The following LCLAT1 variants were observed in gnomAD, a reference collection of about 807,000 sequenced individuals.
The protein encoded by LCLAT1 is 1-AGP acyltransferase 8.
Under a neutral mutation model 30.7 loss-of-function variants are expected in LCLAT1, and 11 were observed. The observed-to-expected ratio is 0.36, with a 90% CI of 0.23 to 0.59. The LOEUF (loss-of-function observed/expected upper bound fraction) is 0.59, where lower values mean the gene tolerates loss of function less well. Ranked by LOEUF, LCLAT1 falls within the 20% of genes least tolerant of loss-of-function variation. The pLI, the probability that LCLAT1 is intolerant of heterozygous loss-of-function variation, is 0.77. For synonymous variants in LCLAT1, 155 were observed against 151.3 expected, an observed-to-expected ratio of 1.02 and a Z score of -0.18; for missense variants, 402 against 458.6, an observed-to-expected ratio of 0.88 and a Z score of 1.13.
intron 5 of LCLAT1, among the ~76,000 whole-genome samples, chr2:30,628,285 G>C (rs144340044): frequency 2.6e-5 from 4 of 152,162 alleles, no homozygotes; most frequent in Non-Finnish European, 5.9e-5. Flanking sequence ...TGAGCAAAAG[G>C]AAAGAAAAAG....
intron 3 of LCLAT1, among the ~76,000 whole-genome samples, chr2:30,536,815 A>C (rs1400713969): frequency 6.6e-6 from 1 of 152,234 alleles, no homozygotes; most frequent in African/African-American, 2.4e-5. Context: ...AGATATACAA[A>C]ATAACTGGAA....
intron 1 of LCLAT1, chr2:30,459,792 T>C (rs1367612881): frequency 9.9e-7 from 1 of 1,010,540 alleles, no homozygotes; most frequent in Non-Finnish European, 1.6e-6. Context: ...ACAAAGCTTT[T>C]TGAATTGATC....
intron 5 of LCLAT1, among the ~76,000 whole-genome samples, chr2:30,602,812 A>T (rs1479503653): frequency 1.3e-5 from 2 of 152,194 alleles, no homozygotes; most frequent in Non-Finnish European, 2.9e-5. Flanking sequence ...ACACTAGCTC[A>T]GTATTAGCTC....
chr2:30,462,364 G>A (rs1682196098), intron 1 of LCLAT1, among the ~76,000 whole-genome samples: 1 of 152,176 alleles, frequency 6.6e-6, no homozygotes, highest in African/African-American at 2.4e-5. Flanking sequence ...AACACATGCT[G>A]ACCAAGTCAG....
chr2:30,640,508 T>C lies in LCLAT1; in HGVS notation c.1020T>C (p.Ile340=). Reference sequence around the variant, plus strand: ...TTAAGTGGTATTTTATAATCACCATTGTAATCTTTGTGCTGCAAGAGAGAA... The same window carrying C: ...TTAAGTGGTATTTTATAATCACCATCGTAATCTTTGTGCTGCAAGAGAGAA... ...SLVKWYFIIT[I]VIFVLQERIF... Residue 340 remains isoleucine, a synonymous_variant, in exon 6 of 6, where the codon ATT becomes ATC. Coordinates refer to ENST00000379509, the MANE Select transcript of LCLAT1 (RefSeq NM_001002257.3). 1 of 1,614,168 alleles carries C rather than the reference T, an allele frequency of 6.2e-7. No individual in the cohort carries two copies. Among genetic ancestry groups the C allele is most frequent in the South Asian group, 1.1e-5 (1 of 91,080 alleles).
intron 1 of LCLAT1, among the ~76,000 whole-genome samples, chr2:30,496,521 T>C (rs1284824978): frequency 6.6e-6 from 1 of 152,212 alleles, no homozygotes; most frequent in Non-Finnish European, 1.5e-5. Flanking sequence ...GCTTCCATTA[T>C]CTGGCTTTAT....
chr2:30,551,971 A>G (rs574520677), intron 3 of LCLAT1, among the ~76,000 whole-genome samples: 97 of 152,366 alleles, frequency 6.4e-4, no homozygotes, highest in African/African-American at 2.2e-3. Flanking sequence ...CTGATTAGCA[A>G]TCTTAATTCC....
At chr2:30,572,979 CTTTT>C (rs144679132) in intron 5 of LCLAT1, among the ~76,000 whole-genome samples, 19,098 of 151,992 alleles carry the variant, frequency 0.13, 1,308 homozygotes, top group South Asian at 0.23. Context: ...CGTTTTCTTT[CTTTT>C]TGCCATCAAA....
At position 30,553,772 on chromosome 2, in the gene LCLAT1, G is replaced by A. The variant is rs542984345; in HGVS notation, c.365-8374G>A. 2.7e-3 allele frequency among the ~76,000 whole-genome samples: 414 copies of A among 151,956 alleles called. 2 individuals carry two copies. The highest frequency in any genetic ancestry group is 5.9e-3 in the Admixed American group (90 of 15,268). ...GGAGCTTGCAGTGAGCCGAGATTGC[G>A]CCACTGCAGTCCGCAGTCCGGCCTG... On this transcript the variant is annotated intron_variant, in intron 3 of 5. Coordinates refer to ENST00000379509, the MANE Select transcript of LCLAT1 (RefSeq NM_001002257.3).
intron 5 of LCLAT1, among the ~76,000 whole-genome samples, chr2:30,605,232 G>A (rs184542640): frequency 6.6e-5 from 10 of 152,306 alleles, no homozygotes; most frequent in African/African-American, 2.2e-4. Context: ...GCACACAGCC[G>A]TATTTTCTAA....
rs921874478 is a variant in LCLAT1 at position 30,642,125 on chromosome 2, G to A, written c.*1506G>A. The A allele has an allele frequency of 5.9e-5, 9 of 152,044 alleles. No homozygotes were observed. The highest frequency in any genetic ancestry group is 2.2e-4 in the African/African-American group (9 of 41,398). 9.4% of individuals were successfully genotyped at this position (152,044 alleles called of 1,614,324 possible). On this transcript the variant is annotated 3_prime_UTR_variant, in exon 6 of 6. Coordinates refer to ENST00000379509, the MANE Select transcript of LCLAT1 (RefSeq NM_001002257.3). The stretch of plus-strand genomic sequence containing the variant: ...CAGTGACCTACCCAATAATTGCATC[G>A]TGCATTGCCATGAAAGGTAAACACA...
chr2:30,570,753 T>A (rs1443936531), intron 5 of LCLAT1, among the ~76,000 whole-genome samples: 5 of 152,186 alleles, frequency 3.3e-5, no homozygotes, highest in Admixed American at 1.3e-4. Flanking sequence ...AAAAAGAGGC[T>A]AAATGGCCAG....
intron 1 of LCLAT1, among the ~76,000 whole-genome samples, chr2:30,477,692 G>A (rs1683117590): frequency 6.6e-6 from 1 of 152,100 alleles, no homozygotes; most frequent in Non-Finnish European, 1.5e-5. Context: ...GTAATGAGAA[G>A]GAATGTGAGA....
At chr2:30,523,267 GTT>G (rs11325119) in intron 1 of LCLAT1, among the ~76,000 whole-genome samples, 92 of 145,986 alleles carry the variant, frequency 6.3e-4, no homozygotes, top group African/African-American at 1.7e-3. Context: ...ATGTTCGTAG[GTT>G]TTTTTTTTTT....
chr2:30,569,871 G>A (rs1460887749), intron 5 of LCLAT1, among the ~76,000 whole-genome samples: 1 of 152,132 alleles, frequency 6.6e-6, no homozygotes, highest in Non-Finnish European at 1.5e-5. Flanking sequence ...TATGTGATTA[G>A]TGAGTGCCCA....
At chr2:30,467,099 C>T (rs1682475115) in intron 1 of LCLAT1, among the ~76,000 whole-genome samples, 2 of 152,136 alleles carry the variant, frequency 1.3e-5, no homozygotes, top group South Asian at 4.1e-4. Flanking sequence ...CTCCCCCGAC[C>T]CCACGACAGG....
intron 1 of LCLAT1, among the ~76,000 whole-genome samples, chr2:30,503,807 T>C (rs1216009792): frequency 1.3e-5 from 2 of 152,236 alleles, no homozygotes; most frequent in Non-Finnish European, 2.9e-5. Context: ...CCACAAAAAA[T>C]AATGTCAAGA....
In LCLAT1 at chr2:30,564,829, AAT is replaced by A. The variant is rs376729150; in HGVS notation, c.511+2538_511+2539del. ...TGAATCTAGCTTGCATGTACATTTA[AAT>A]TAGTGCATTTAAATCTAACTTTACA... On this transcript the variant is annotated intron_variant, in intron 4 of 5. Transcript: ENST00000379509. Among the ~76,000 whole-genome samples the A allele has an allele frequency of 1.5e-3, 229 of 152,316 alleles. 8 individuals are homozygous for A. In the South Asian group the frequency reaches 0.046, roughly 30 times the overall value.
intron 3 of LCLAT1, among the ~76,000 whole-genome samples, chr2:30,555,147 G>A (rs538321959): frequency 6.6e-6 from 1 of 152,192 alleles, no homozygotes; most frequent in Non-Finnish European, 1.5e-5. Context: ...TTAGTTATCT[G>A]TACAAATTTG....
Sources: allele counts gnomAD v4.1 joint callset (sites outside exome capture counted in the v4.1 genomes callset), GRCh38; gene constraint gnomAD v4.1.1; transcripts MANE v1.5; gene names NCBI Gene and HGNC (gene_info 2026-07-23, HGNC 2026-07-21).